The following LRBA variants were observed in gnomAD, a reference collection of about 807,000 sequenced individuals.
LRBA encodes lipopolysaccharide-responsive and beige-like anchor protein.
A neutral mutation model predicts 330.0 loss-of-function variants in LRBA; 176 were observed. The observed-to-expected ratio is 0.53, with a 90% CI of 0.47 to 0.60. The LOEUF (loss-of-function observed/expected upper bound fraction) is 0.60. Ranked by LOEUF, LRBA falls within the 20% of genes least tolerant of loss-of-function variation. LRBA has a pLI of 0.00. For missense variants in LRBA, 3,259 were observed against 3,444.8 expected (o/e 0.95, Z 1.35); for synonymous variants, 1,230 against 1,193.0 (o/e 1.03, Z -0.64).
At position 150,285,985 on chromosome 4, in the gene LRBA, G is replaced by T; in HGVS notation, c.8067C>A (p.Val2689=). 1.9e-6 allele frequency: 3 copies of T among 1,598,080 alleles called. No homozygotes were observed. Among genetic ancestry groups the T allele is most frequent in the Non-Finnish European group, 2.6e-6 (3 of 1,172,382 alleles). Residue 2689 remains valine (V), a synonymous_variant, in exon 54 of 57, where the codon GTC becomes GTA. Transcript: ENST00000651943. ...RAILTGHDYE[V]TCAAVCAELG... The stretch of plus-strand genomic sequence containing the variant: ...GCTCCGCACACACCGCAGCACATGT[G>T]ACCTCATAGTCATGGCCGGTCAAAA...
chr4:150,472,114 T>G (rs1756204050), intron 42 of LRBA, among the ~76,000 whole-genome samples: 1 of 152,118 alleles, frequency 6.6e-6, no homozygotes, highest in African/African-American at 2.4e-5. Context: ...TTAATTGTAA[T>G]AGTTATCTTA....
intron 35 of LRBA, among the ~76,000 whole-genome samples, chr4:150,747,874 T>C (rs1416581972): frequency 1.3e-5 from 2 of 152,200 alleles, no homozygotes; most frequent in East Asian, 3.9e-4. Flanking sequence ...CCTGTGTTTA[T>C]ATCTCTAACC....
chr4:150,376,065 T>C (rs556905645), intron 47 of LRBA, among the ~76,000 whole-genome samples: 33 of 152,144 alleles, frequency 2.2e-4, no homozygotes, highest in African/African-American at 7.7e-4. Context: ...ATATAACACA[T>C]TAGAGAGAGA....
At chr4:150,726,173 C>T (rs937677754) in intron 36 of LRBA, among the ~76,000 whole-genome samples, 9 of 152,090 alleles carry the variant, frequency 5.9e-5, no homozygotes, top group African/African-American at 2.2e-4. Context: ...TGTAAATGGA[C>T]TAAACTCTCC....
In LRBA at chr4:151,014,431, T is replaced by A. The variant is rs1745202382; in HGVS notation, c.212A>T (p.Asn71Ile). The A allele has an allele frequency of 6.2e-7, 1 of 1,612,886 alleles. No individual in the cohort carries two copies. The highest frequency in any genetic ancestry group is 2.2e-5 in the East Asian group (1 of 44,894). The change falls in exon 2 of 57, where the codon AAC becomes ATC. Residue 71 changes from asparagine to isoleucine, a missense_variant. By Grantham distance (149) the Asn-to-Ile change is moderately radical. Coordinates refer to ENST00000651943, the MANE Select transcript of LRBA (RefSeq NM_001364905.1). ...ATAAAATATTCATGGACTTACCAGG[T>A]TAAAGACAGTTTCTACAATATCCCT... is the stretch of plus-strand genomic sequence containing the variant. The part of the protein sequence containing the change: ...SNRDIVETVF[N>I]LLVGGQFDLE...
intron 40 of LRBA, among the ~76,000 whole-genome samples, chr4:150,549,651 T>C (rs1436225041): frequency 3.3e-5 from 5 of 152,192 alleles, no homozygotes; most frequent in Non-Finnish European, 7.3e-5. Context: ...CTTTTACCTA[T>C]TTATAAAGTA....
chr4:150,489,463 TAAA>T (rs1312063812), intron 41 of LRBA, among the ~76,000 whole-genome samples: 1,121 of 26,748 alleles, frequency 0.042, 312 homozygotes, highest in Non-Finnish European at 0.082. Context: ...TATAAGAATA[TAAA>T]ATATATTATA....
At chr4:150,609,611 T>A (rs13108157) in intron 37 of LRBA, among the ~76,000 whole-genome samples, 2 of 152,060 alleles carry the variant, frequency 1.3e-5, no homozygotes, top group Non-Finnish European at 2.9e-5. Flanking sequence ...AACAGATACA[T>A]GGATTACTGG....
intron 37 of LRBA, among the ~76,000 whole-genome samples, chr4:150,601,612 A>C (rs1255408687): frequency 6.6e-6 from 1 of 152,180 alleles, no homozygotes; most frequent in African/African-American, 2.4e-5. Context: ...TTGTTCACAT[A>C]ATAGAAATGA....
At chr4:150,882,449 AAAC>A (rs1728500565) in intron 17 of LRBA, among the ~76,000 whole-genome samples, 1 of 152,212 alleles carries the variant, frequency 6.6e-6, no homozygotes, top group African/African-American at 2.4e-5. Flanking sequence ...TCTAATCATA[AAAC>A]AATAAATAAA....
At chr4:150,720,954 A>T in intron 36 of LRBA, 1 of 448,706 alleles carries the variant, frequency 2.2e-6, no homozygotes. Flanking sequence ...AGTGTTACCC[A>T]ACAATATTAA....
intron 38 of LRBA, among the ~76,000 whole-genome samples, chr4:150,598,681 T>C (rs1773779591): frequency 6.6e-6 from 1 of 152,186 alleles, no homozygotes; most frequent in Admixed American, 6.5e-5. Context: ...CTGATATTCA[T>C]GGATTTAAGG....
intron 29 of LRBA, 83 bp downstream of exon 29, chr4:150,831,734 T>A (rs1331766307): frequency 9.2e-7 from 1 of 1,090,694 alleles, no homozygotes; most frequent in Non-Finnish European, 1.3e-6. Context: ...TGGATTTAAA[T>A]TCCAATATCA....
chr4:150,671,047 A>T (rs201959791), intron 37 of LRBA, among the ~76,000 whole-genome samples: 2,832 of 78,968 alleles, frequency 0.036, 39 homozygotes, highest in East Asian at 0.12. Flanking sequence ...TGTGTGAGAG[A>T]GAGAGAGAGA....
intron 40 of LRBA, among the ~76,000 whole-genome samples, chr4:150,561,059 T>C (rs1017027945): frequency 6.6e-6 from 1 of 152,182 alleles, no homozygotes; most frequent in Non-Finnish European, 1.5e-5. Context: ...AGTAATTCTC[T>C]ACTAAAATTT....
chr4:150,436,364 C>T lies in LRBA; in HGVS notation c.6921+360G>A, dbSNP rs935690946. Among the ~76,000 whole-genome samples the T allele has an allele frequency of 2.0e-5, 3 of 152,138 alleles. No individual in the cohort carries two copies. The South Asian group carries it at 6.2e-4, about 32-fold the overall frequency. Reference sequence around the variant, plus strand: ...GCCTTAGTTTTACCAACAAACTTACCTTATTCCATTTGGGACAACCTTCCA... The same window carrying T: ...GCCTTAGTTTTACCAACAAACTTACTTTATTCCATTTGGGACAACCTTCCA... On this transcript the variant is annotated intron_variant, in intron 45 of 56. Transcript: ENST00000651943.
chr4:150,617,334 C>T, intron 37 of LRBA, among the ~76,000 whole-genome samples: 1 of 152,150 alleles, frequency 6.6e-6, no homozygotes, highest in East Asian at 1.9e-4. Context: ...AAAATCTAGA[C>T]TTTTAAAATG....
At chr4:150,481,073 T>C (rs1272126625) in intron 42 of LRBA, among the ~76,000 whole-genome samples, 2 of 152,226 alleles carry the variant, frequency 1.3e-5, no homozygotes, top group East Asian at 3.8e-4. Flanking sequence ...CTTCCACATA[T>C]GAGTGAGAAC....
chr4:150,585,762 G>C (rs1366103448), intron 40 of LRBA, among the ~76,000 whole-genome samples: 1 of 151,700 alleles, frequency 6.6e-6, no homozygotes, highest in African/African-American at 2.4e-5. Context: ...ACAAATGAGA[G>C]GTGTAGAGAA....
Sources: allele counts gnomAD v4.1 joint callset (sites outside exome capture counted in the v4.1 genomes callset), GRCh38; gene constraint gnomAD v4.1.1; transcripts MANE v1.5; gene names NCBI Gene and HGNC (gene_info 2026-07-23, HGNC 2026-07-21).